Variants in MEF2C observed in about 807,000 individuals in gnomAD.
MEF2C encodes the protein myocyte enhancer factor 2C, also known as myocyte-specific enhancer factor 2C.
Under a neutral mutation model 50.5 loss-of-function variants are expected in MEF2C, and 6 were observed. The observed-to-expected ratio is 0.12, with a 90% CI of 0.07 to 0.23. The LOEUF (loss-of-function observed/expected upper bound fraction) is 0.23, where lower values mean the gene tolerates loss of function less well. Among genes scored for constraint, MEF2C ranks in the 10% least tolerant of loss-of-function variants. MEF2C has a pLI of 1.00. For synonymous variants in MEF2C, 183 were observed against 228.0 expected, an observed-to-expected ratio of 0.80 and a Z score of 1.78; for missense variants, 276 against 605.0, an observed-to-expected ratio of 0.46 and a Z score of 5.70.
At chr5:88,772,095 C>A (rs1216425874) in intron 3 of MEF2C, 1 of 152,202 alleles carries the variant, frequency 6.6e-6, no homozygotes, top group Non-Finnish European at 1.5e-5. Flanking sequence ...CCCTCCGAAA[C>A]AAGGCATTAC....
At chr5:88,806,945 A>G (rs1056665786) in intron 2 of MEF2C, among the ~76,000 whole-genome samples, 1 of 152,346 alleles carries the variant, frequency 6.6e-6, no homozygotes. Context: ...AATCCATGGT[A>G]TAAAAATTGA....
intron 3 of MEF2C, chr5:88,761,952 C>T (rs1778061233): frequency 6.6e-6 from 1 of 152,062 alleles, no homozygotes; most frequent in Non-Finnish European, 1.5e-5. Flanking sequence ...ATGTGAAAAT[C>T]TTATCAAAAT....
At chr5:88,829,341 A>G (rs570987792) in intron 1 of MEF2C, among the ~76,000 whole-genome samples, 74 of 152,080 alleles carry the variant, frequency 4.9e-4, no homozygotes, top group African/African-American at 1.7e-3. Flanking sequence ...TCCTGATGAC[A>G]TCGAATTTCC....
At chr5:88,759,199 A>G (rs1426207061) in intron 4 of MEF2C, among the ~76,000 whole-genome samples, 1 of 152,214 alleles carries the variant, frequency 6.6e-6, no homozygotes, top group Non-Finnish European at 1.5e-5. Flanking sequence ...ATTGGCCCAA[A>G]TGGCGTGGCG....
intron 4 of MEF2C, among the ~76,000 whole-genome samples, chr5:88,759,081 C>A (rs895573168): frequency 1.3e-5 from 2 of 152,222 alleles, no homozygotes; most frequent in Admixed American, 1.3e-4. Context: ...CTATCTGACA[C>A]ACCTAAGGTA....
intron 6 of MEF2C, among the ~76,000 whole-genome samples, chr5:88,744,614 T>C (rs1768460028): frequency 6.6e-6 from 1 of 152,240 alleles, no homozygotes; most frequent in Non-Finnish European, 1.5e-5. Flanking sequence ...ACTTTTCATT[T>C]AGGTTGTTAA....
intron 3 of MEF2C, chr5:88,780,804 A>G: frequency 1.0e-6 from 1 of 985,392 alleles, no homozygotes; most frequent in Non-Finnish European, 1.2e-6. Flanking sequence ...CTTGCTAATT[A>G]CTTCCATTGT....
At chr5:88,822,339 T>C (rs926463022) in intron 2 of MEF2C, among the ~76,000 whole-genome samples, 2 of 151,986 alleles carry the variant, frequency 1.3e-5, no homozygotes, top group African/African-American at 4.8e-5. Context: ...TTTCAAGCTA[T>C]AGGCCAATTA....
At chr5:88,862,942 G>A (rs1456077130) in intron 1 of MEF2C, among the ~76,000 whole-genome samples, 1 of 152,126 alleles carries the variant, frequency 6.6e-6, no homozygotes, top group African/African-American at 2.4e-5. Context: ...TGAAGTTCTG[G>A]GCAAGGCCTG....
rs868721348 is a variant in MEF2C, at chr5:88,721,267, T to A, written c.*1337A>T. The A allele has an allele frequency of 2.2e-4, 34 of 152,638 alleles. No homozygotes were observed. Among genetic ancestry groups the A allele is most frequent in the Middle Eastern group, 6.8e-3 (2 of 294 alleles). 9.5% of individuals were successfully genotyped at this position (152,638 alleles called of 1,614,324 possible). A position where few individuals can be genotyped will look rare whatever the true frequency, so the allele number is the denominator to read the frequency against. On this transcript the variant is annotated 3_prime_UTR_variant, in exon 11 of 11. Coordinates refer to ENST00000504921, the MANE Select transcript of MEF2C (RefSeq NM_002397.5). ...ACTTACTGAATTCCAAGATGCATGGTGAAATGGTGAGATCAGAAAGGGGCC... is the reference window on the plus strand; with the variant it reads ...ACTTACTGAATTCCAAGATGCATGGAGAAATGGTGAGATCAGAAAGGGGCC...
At chr5:88,748,174 TC>T in intron 6 of MEF2C, 1 of 983,602 alleles carries the variant, frequency 1.0e-6, no homozygotes. Flanking sequence ...TTCTTTATCT[TC>T]TTTCTTATAA....
At position 88,722,663 on chromosome 5, in the gene MEF2C, C is replaced by G. The variant is rs796052734; in HGVS notation, c.1363G>C (p.Asp455His). The change falls in exon 11 of 11, where the codon GAC becomes CAC. Residue 455 changes from aspartate (D) to histidine (H), a missense_variant. Coordinates refer to ENST00000504921, the MANE Select transcript of MEF2C (RefSeq NM_002397.5). Reference sequence around the variant, plus strand: ...TTGACTGAGGGACTTTCCCTTTCGTCCGGCGAAGGTCTGGTGAGTCCAATG... The same window carrying G: ...TTGACTGAGGGACTTTCCCTTTCGTGCGGCGAAGGTCTGGTGAGTCCAATG... ...SPIGLTRPSPDERESPSVKRM... is the reference protein window; with the variant it reads ...SPIGLTRPSPHERESPSVKRM... The G allele has an allele frequency of 6.2e-7, 1 of 1,613,824 alleles. No homozygotes were observed. The highest frequency in any genetic ancestry group is 1.6e-4 in the Middle Eastern group (1 of 6,062).
At chr5:88,808,735 T>A (rs771339568) in intron 2 of MEF2C, among the ~76,000 whole-genome samples, 45 of 152,134 alleles carry the variant, frequency 3.0e-4, no homozygotes, top group Non-Finnish European at 4.7e-4. Flanking sequence ...TTAGATAAAA[T>A]TATTTTTAAG....
At chr5:88,853,392 G>A (rs1822115050) in intron 1 of MEF2C, among the ~76,000 whole-genome samples, 1 of 152,150 alleles carries the variant, frequency 6.6e-6, no homozygotes, top group African/African-American at 2.4e-5. Flanking sequence ...GCTTCCATTA[G>A]GACCATTAAG....
At chr5:88,873,661 C>G (rs907620156) in intron 1 of MEF2C, among the ~76,000 whole-genome samples, 2 of 142,996 alleles carry the variant, frequency 1.4e-5, no homozygotes, top group African/African-American at 5.2e-5. Context: ...TTAATGGGTA[C>G]TGAGTATCTT....
In MEF2C at chr5:88,822,173, A is replaced by ATTCT. The variant is rs1808710367; in HGVS notation, c.54+1561_54+1562insAGAA. The stretch of plus-strand genomic sequence containing the variant: ...TCTAACTTTGCAAGCAAAAGAAGAT[A>ATTCT]TAATGAATATCATAAACCTAAAAAT... On this transcript the variant is annotated intron_variant, in intron 2 of 10. Transcript: ENST00000504921. Among the ~76,000 whole-genome samples the ATTCT allele has an allele frequency of 3.9e-5, 6 of 152,160 alleles. 1 individual carries two copies. Among genetic ancestry groups the ATTCT allele is most frequent in the African/African-American group, 1.4e-4 (6 of 41,564 alleles).
At chr5:88,768,778 C>T in intron 3 of MEF2C, 3 of 701,058 alleles carry the variant, frequency 4.3e-6, no homozygotes, top group Non-Finnish European at 5.3e-6. Flanking sequence ...TACCATTTCA[C>T]ACTACGTTAA....
Position 88,829,840 on chromosome 5 carries a change from A to G in MEF2C, c.-142-5910T>C, listed in dbSNP as rs142764133. 1.3e-3 allele frequency among the ~76,000 whole-genome samples: 205 copies of G among 152,064 alleles called. 2 individuals are homozygous for G. Among genetic ancestry groups the G allele is most frequent in the African/African-American group, 4.5e-3 (188 of 41,526 alleles). ...GAACTGTTGTTTCCTTGCCCTACCC[A>G]TAACTGGGAAAAAAATCTTCATTTG... is the stretch of plus-strand genomic sequence containing the variant. On this transcript the variant is annotated intron_variant, in intron 1 of 10. Coordinates refer to ENST00000504921, the MANE Select transcript of MEF2C (RefSeq NM_002397.5).
At position 88,814,716 on chromosome 5, in the gene MEF2C, AAAT is replaced by A. The variant is rs1488825631; in HGVS notation, c.54+9016_54+9018del. Among the ~76,000 whole-genome samples the A allele has an allele frequency of 2.0e-5, 3 of 152,120 alleles. No individual in the cohort carries two copies. The South Asian group carries it at 6.2e-4, about 31-fold the overall frequency. ...CTCCAAATCTTATGCATTGGAGGGA[AAAT>A]AATAAATCACAGTTAGATCTAAATT... On this transcript the variant is annotated intron_variant, in intron 2 of 10. Coordinates refer to ENST00000504921, the MANE Select transcript of MEF2C (RefSeq NM_002397.5).
Sources: gnomAD v4.1 joint callset for allele counts (sites outside exome capture counted in the v4.1 genomes callset) on GRCh38, gnomAD v4.1.1 for gene constraint, MANE v1.5 for transcripts, NCBI Gene and HGNC (gene_info 2026-07-23, HGNC 2026-07-21) for gene names.